Variants in KIF6 observed in about 807,000 individuals in gnomAD.
The protein encoded by KIF6 is kinesin-like protein KIF6.
A neutral mutation model predicts 112.7 loss-of-function variants in KIF6; 106 were observed. That is an observed-to-expected ratio of 0.94 (90% confidence interval 0.80 to 1.11). The LOEUF (loss-of-function observed/expected upper bound fraction) is 1.11. Among genes scored for constraint, KIF6 ranks in the 50% least tolerant of loss-of-function variants. The pLI is 0.00. For synonymous variants in KIF6, 339 were observed against 339.9 expected (o/e 1.00, Z 0.03); for missense variants, 929 against 964.0 (o/e 0.96, Z 0.48).
At chr6:39,517,702 T>C (rs1052702838) in intron 13 of KIF6, among the ~76,000 whole-genome samples, 6 of 152,226 alleles carry the variant, frequency 3.9e-5, no homozygotes, top group Non-Finnish European at 7.3e-5. Context: ...AGTGAAGTTA[T>C]AAAATGAATA....
chr6:39,523,328 G>A (rs1777504287), intron 13 of KIF6, among the ~76,000 whole-genome samples: 1 of 151,934 alleles, frequency 6.6e-6, no homozygotes, highest in African/African-American at 2.4e-5. Flanking sequence ...TCTGCACATT[G>A]CTATCAGTGC....
At chr6:39,585,470 A>G (rs4612160) in intron 8 of KIF6, among the ~76,000 whole-genome samples, 81,065 of 152,008 alleles carry the variant, frequency 0.53, 23,819 homozygotes, top group African/African-American at 0.79. Flanking sequence ...CTCGGGGGTC[A>G]GGGACCCCTG....
intron 15 of KIF6, 142 bp from the exon 16 acceptor site, chr6:39,385,814 T>A: frequency 3.1e-6 from 2 of 655,138 alleles, no homozygotes; most frequent in Non-Finnish European, 5.4e-6. Flanking sequence ...TTCCAAGAAA[T>A]GACCTTCCAT....
In KIF6 at chr6:39,378,330, A is replaced by T. The variant is rs1331431398; in HGVS notation, c.1861+7292T>A. On this transcript the variant is annotated intron_variant, in intron 16 of 22. Coordinates refer to ENST00000287152, the MANE Select transcript of KIF6 (RefSeq NM_145027.6). This position sits in a 1 kb window ranked among gnomAD's most constrained non-coding sequence, Gnocchi z 5.0. ...AAAACACACATACAACACATACAAC[A>T]TATCCAACATACCACATACACACAT... Among the ~76,000 whole-genome samples the T allele has an allele frequency of 6.6e-6, 1 of 151,836 alleles. No homozygotes were observed. The highest frequency in any genetic ancestry group is 2.4e-5 in the African/African-American group (1 of 41,306).
At chr6:39,340,627 T>C (rs1763276117) in intron 22 of KIF6, among the ~76,000 whole-genome samples, 1 of 152,130 alleles carries the variant, frequency 6.6e-6, no homozygotes, top group South Asian at 2.1e-4. Flanking sequence ...AATGAAACAA[T>C]AAAAATGAAA....
intron 13 of KIF6, among the ~76,000 whole-genome samples, chr6:39,537,605 T>G (rs1344641667): frequency 6.6e-6 from 1 of 151,966 alleles, no homozygotes; most frequent in Admixed American, 6.6e-5. Context: ...TGCTCATGGG[T>G]AGGAAGAATC....
At chr6:39,556,824 C>T (rs1779732458) in intron 10 of KIF6, among the ~76,000 whole-genome samples, 4 of 152,142 alleles carry the variant, frequency 2.6e-5, no homozygotes, top group Admixed American at 2.6e-4. Context: ...TTAAAGTTTC[C>T]AAACTAGGGA....
chr6:39,625,244 T>G lies in KIF6; in HGVS notation c.509+9605A>C, dbSNP rs138967561. Among the ~76,000 whole-genome samples, 377 of 152,298 alleles carry G rather than the reference T, an allele frequency of 2.5e-3. 1 individual carries two copies. Among genetic ancestry groups the G allele is most frequent in the African/African-American group, 8.2e-3 (339 of 41,556 alleles). ...AAGCTGACTAAGACAACCTCCTAATTGTCTAAGACATTTCTGATACTGAGA... is the reference window on the plus strand; with the variant it reads ...AAGCTGACTAAGACAACCTCCTAATGGTCTAAGACATTTCTGATACTGAGA... On this transcript the variant is annotated intron_variant, in intron 5 of 22. Coordinates refer to ENST00000287152, the MANE Select transcript of KIF6 (RefSeq NM_145027.6).
At chr6:39,345,012 C>G (rs574378554) in intron 21 of KIF6, among the ~76,000 whole-genome samples, 1 of 152,340 alleles carries the variant, frequency 6.6e-6, no homozygotes, top group East Asian at 1.9e-4. Context: ...TTCCATCCAG[C>G]TTCTCCATAT....
chr6:39,426,030 A>G (rs898180914), intron 14 of KIF6, among the ~76,000 whole-genome samples: 3 of 152,172 alleles, frequency 2.0e-5, no homozygotes, highest in Non-Finnish European at 2.9e-5. Flanking sequence ...TTCATTTCCA[A>G]TAGCAGTTAA....
chr6:39,507,633 CTTTCCCCTTCCTTCCTTCCTT>C (rs1345410189), intron 13 of KIF6, among the ~76,000 whole-genome samples: 4 of 48,020 alleles, frequency 8.3e-5, no homozygotes, highest in East Asian at 6.2e-4. Context: ...CTTTCCTTTC[CTTTCCCCTTCCTTCCTTCCTT>C]CCTTCCTTCC....
chr6:39,343,238 T>C lies in KIF6; in HGVS notation c.2428+471A>G, dbSNP rs1181439305. Reference sequence around the variant, plus strand: ...ACTCTTACTTCCTCTGTGATTGTTATGGTGTCCTCGGGCCTGGGCCTTCAA... The same window carrying C: ...ACTCTTACTTCCTCTGTGATTGTTACGGTGTCCTCGGGCCTGGGCCTTCAA... On this transcript the variant is annotated intron_variant, in intron 22 of 22. Transcript: ENST00000287152. The surrounding 1 kb of genome is among the most constrained non-coding windows in gnomAD (Gnocchi z 4.1). 2 of 1,254,806 alleles carry C rather than the reference T, an allele frequency of 1.6e-6. No homozygotes were observed. The highest frequency in any genetic ancestry group is 1.0e-6 in the Non-Finnish European group (1 of 974,652). 77.7% of individuals were successfully genotyped at this position (1,254,806 alleles called of 1,614,324 possible). A position where few individuals can be genotyped will look rare whatever the true frequency, so the allele number is the denominator to read the frequency against.
At chr6:39,459,932 T>C (rs1196792924) in intron 13 of KIF6, among the ~76,000 whole-genome samples, 38 of 77,120 alleles carry the variant, frequency 4.9e-4, no homozygotes, top group Non-Finnish European at 7.8e-4. Context: ...GGTGGGACTG[T>C]AAACTAGTTC....
intron 7 of KIF6, among the ~76,000 whole-genome samples, chr6:39,587,651 T>C (rs761730125): frequency 3.3e-5 from 5 of 152,136 alleles, no homozygotes; most frequent in Non-Finnish European, 7.3e-5. Context: ...CTAGATATGA[T>C]AGATATAGAT....
chr6:39,498,837 C>T (rs73412743), intron 13 of KIF6, among the ~76,000 whole-genome samples: 3,963 of 152,162 alleles, frequency 0.026, 174 homozygotes, highest in African/African-American at 0.09. Context: ...ATTTGACTAG[C>T]GTACTTACTG....
At chr6:39,593,698 T>C (rs552688862) in intron 7 of KIF6, among the ~76,000 whole-genome samples, 1 of 152,332 alleles carries the variant, frequency 6.6e-6, no homozygotes, top group East Asian at 1.9e-4. Context: ...CCCCCTGGGC[T>C]GGAACTAAGA....
intron 13 of KIF6, among the ~76,000 whole-genome samples, chr6:39,442,941 G>T (rs975035519): frequency 7.9e-5 from 12 of 151,656 alleles, no homozygotes; most frequent in African/African-American, 2.9e-4. Flanking sequence ...GTGAAACCTC[G>T]TCTCTACTAA....
In KIF6 at chr6:39,579,946, G is replaced by A. The variant is rs572200337; in HGVS notation, c.1078-1787C>T. Among the ~76,000 whole-genome samples, 12 of 151,538 alleles carry A rather than the reference G, an allele frequency of 7.9e-5. No individual in the cohort carries two copies. The East Asian group carries it at 1.4e-3, about 17-fold the overall frequency. On this transcript the variant is annotated intron_variant, in intron 9 of 22. Coordinates refer to ENST00000287152, the MANE Select transcript of KIF6 (RefSeq NM_145027.6). ...GTTGGCATCTAGATAAGATAAGCCCGTTTCATCCTGTTCTTTTCCAAAATA... is the reference window on the plus strand; with the variant it reads ...GTTGGCATCTAGATAAGATAAGCCCATTTCATCCTGTTCTTTTCCAAAATA...
intron 4 of KIF6, among the ~76,000 whole-genome samples, chr6:39,638,534 T>C (rs1320334392): frequency 6.6e-6 from 1 of 152,140 alleles, no homozygotes; most frequent in Non-Finnish European, 1.5e-5. Flanking sequence ...CCAAATTTTC[T>C]GGCATGCAAA....
Sources: gnomAD v4.1 joint callset for allele counts (sites outside exome capture counted in the v4.1 genomes callset) on GRCh38, gnomAD v4.1.1 for gene constraint, Gnocchi (gnomAD v3.1) non-coding constraint, MANE v1.5 for transcripts, NCBI Gene and HGNC (gene_info 2026-07-23, HGNC 2026-07-21) for gene names.